NOXRED1: variants seen among roughly 807,000 people sequenced by gnomAD.
The protein encoded by NOXRED1 is NADP-dependent oxidoreductase domain-containing protein 1.
NOXRED1 carries 20 observed loss-of-function variants against 30.4 expected under a neutral mutation model. The ratio of observed to expected loss-of-function variants is 0.66; its 90% CI spans 0.46 to 0.96. The LOEUF (loss-of-function observed/expected upper bound fraction) is 0.96, where lower values mean the gene tolerates loss of function less well. Ranked by LOEUF, NOXRED1 falls within the 40% of genes least tolerant of loss-of-function variation. The pLI is 0.00. For synonymous variants in NOXRED1, 155 were observed against 168.0 expected (o/e 0.92, Z 0.60); for missense variants, 374 against 428.0 (o/e 0.87, Z 1.11).
At chr14:77,399,980 GA>G (rs920523220) in intron 5 of NOXRED1, among the ~76,000 whole-genome samples, 1 of 151,338 alleles carries the variant, frequency 6.6e-6, no homozygotes. Context: ...AAGCCAGAGG[GA>G]AAAAAAACAC....
At chr14:77,415,224 A>T (rs931441682) in intron 1 of NOXRED1, among the ~76,000 whole-genome samples, 1 of 151,132 alleles carries the variant, frequency 6.6e-6, no homozygotes, top group African/African-American at 2.4e-5. Context: ...ACACACCATG[A>T]ACTTCACCAT....
At chr14:77,416,492 C>T (rs1894825772) in intron 1 of NOXRED1, among the ~76,000 whole-genome samples, 1 of 152,296 alleles carries the variant, frequency 6.6e-6, no homozygotes, top group South Asian at 2.1e-4. Context: ...GGATACAGCA[C>T]ATGTTTCAGA....
At position 77,405,924 on chromosome 14, in the gene NOXRED1, C is replaced by T. The variant is rs779319748; in HGVS notation, c.894G>A (p.Leu298=). 13 of 1,610,210 alleles carry T rather than the reference C, an allele frequency of 8.1e-6. No individual in the cohort carries two copies. The highest frequency in any genetic ancestry group is 1.1e-5 in the Non-Finnish European group (13 of 1,177,136). ...DFVSKAYGKN[L]SQERPFPWFD... ...TCCAATGCCCTTACCTTTCCTGAGACAAATTCTTGCCATAGGCTTTGCTGA... is the reference window on the plus strand; with the variant it reads ...TCCAATGCCCTTACCTTTCCTGAGATAAATTCTTGCCATAGGCTTTGCTGA... The change falls in exon 5 of 6, where the codon TTG becomes TTA. Residue 298 remains leucine, a synonymous_variant. Transcript: ENST00000380835.
intron 2 of NOXRED1, among the ~76,000 whole-genome samples, chr14:77,412,444 G>T (rs1349799804): frequency 6.6e-6 from 1 of 152,140 alleles, no homozygotes; most frequent in Non-Finnish European, 1.5e-5. Flanking sequence ...AGATGCAAGA[G>T]ACTGTGCTCA....
intron 5 of NOXRED1, among the ~76,000 whole-genome samples, chr14:77,400,818 C>CATTACCATTT (rs1287460266): frequency 6.6e-6 from 1 of 152,194 alleles, no homozygotes; most frequent in Admixed American, 6.5e-5. Flanking sequence ...ATTAAAAACA[C>CATTACCATTT]ATTACCATTT....
chr14:77,404,593 C>A (rs1291370368), intron 5 of NOXRED1, among the ~76,000 whole-genome samples: 1 of 152,000 alleles, frequency 6.6e-6, no homozygotes, highest in African/African-American at 2.4e-5. Context: ...TGGAAAAGAT[C>A]ACCGGGAACA....
intron 5 of NOXRED1, among the ~76,000 whole-genome samples, chr14:77,402,239 A>G (rs1894347810): frequency 6.6e-6 from 1 of 152,254 alleles, no homozygotes; most frequent in African/African-American, 2.4e-5. Context: ...AGACACTGTC[A>G]AGAGAATGAA....
At chr14:77,412,096 C>T (rs949579370) in intron 2 of NOXRED1, among the ~76,000 whole-genome samples, 2 of 104,724 alleles carry the variant, frequency 1.9e-5, no homozygotes, top group Non-Finnish European at 3.5e-5. Context: ...GAGCAAGACT[C>T]AGTCTAAAAA....
intron 1 of NOXRED1, among the ~76,000 whole-genome samples, chr14:77,420,681 T>G (rs538964214): frequency 6.6e-6 from 1 of 152,270 alleles, no homozygotes; most frequent in Non-Finnish European, 1.5e-5. Context: ...TGCAGTAGTT[T>G]GTTCTTATGG....
intron 2 of NOXRED1, among the ~76,000 whole-genome samples, chr14:77,410,957 C>T (rs1007310831): frequency 6.6e-6 from 1 of 151,944 alleles, no homozygotes; most frequent in African/African-American, 2.4e-5. Context: ...AAAGATATAC[C>T]TACCACATGA....
At chr14:77,425,199 A>G (rs1282944906), upstream of NOXRED1, among the ~76,000 whole-genome samples, 3 of 152,074 alleles carry the variant, frequency 2.0e-5, no homozygotes, top group Admixed American at 6.6e-5. Flanking sequence ...GGCCTTCCCT[A>G]TGGATTTCAA....
intron 5 of NOXRED1, among the ~76,000 whole-genome samples, chr14:77,400,037 A>G (rs948262657): frequency 6.6e-5 from 10 of 152,228 alleles, no homozygotes; most frequent in African/African-American, 2.4e-4. Flanking sequence ...TTTTAGGATC[A>G]TGCAAGCAAG....
At chr14:77,412,280 A>G (rs1566711395) in intron 2 of NOXRED1, among the ~76,000 whole-genome samples, 1 of 152,110 alleles carries the variant, frequency 6.6e-6, no homozygotes, top group Non-Finnish European at 1.5e-5. Context: ...TTTTACATTA[A>G]TCTCTTACTA....
At chr14:77,400,217 T>C (rs1489321458) in intron 5 of NOXRED1, among the ~76,000 whole-genome samples, 1 of 152,128 alleles carries the variant, frequency 6.6e-6, no homozygotes, top group Non-Finnish European at 1.5e-5. Context: ...TCAAAGAAGT[T>C]CCTTAGGAGG....
chr14:77,417,387 G>A (rs369185735), intron 1 of NOXRED1, among the ~76,000 whole-genome samples: 8 of 151,344 alleles, frequency 5.3e-5, no homozygotes, highest in Admixed American at 6.6e-5. Context: ...TTGAAAGTTG[G>A]GTATTAAAAT....
chr14:77,420,249 T>C (rs1012445079), intron 1 of NOXRED1, among the ~76,000 whole-genome samples: 2 of 152,200 alleles, frequency 1.3e-5, no homozygotes, highest in African/African-American at 2.4e-5. Context: ...AAGTCTAATG[T>C]TGAACCACTC....
chr14:77,414,411 C>A (rs1383543282), intron 1 of NOXRED1, among the ~76,000 whole-genome samples: 1 of 152,116 alleles, frequency 6.6e-6, no homozygotes, highest in Admixed American at 6.6e-5. Context: ...CATCTCCTGA[C>A]CTCGTGATCC....
Position 77,423,120 on chromosome 14 carries a change from C to A in NOXRED1, c.-231G>T, listed in dbSNP as rs1895045573. The A allele has an allele frequency of 2.1e-6, 1 of 477,152 alleles. No homozygotes were observed. Among genetic ancestry groups the A allele is most frequent in the Admixed American group, 3.8e-5 (1 of 26,068 alleles). The allele number at this position is 477,152 out of a possible 1,614,324, so 29.6% of individuals were successfully genotyped here. On this transcript the variant is annotated 5_prime_UTR_variant, in exon 1 of 6. Transcript: ENST00000380835. ...GTGTTTGAGGATTCCTAATCACTGG[C>A]TGCCCATGAATCCTGGACTCATGAA...
chr14:77,421,683 G>T (rs976291342), intron 1 of NOXRED1, among the ~76,000 whole-genome samples: 1 of 152,206 alleles, frequency 6.6e-6, no homozygotes, highest in Non-Finnish European at 1.5e-5. Context: ...GGTGCTGGAT[G>T]TGTTTCCTTG....
Sources: allele counts gnomAD v4.1 joint callset (sites outside exome capture counted in the v4.1 genomes callset), GRCh38; gene constraint gnomAD v4.1.1; transcripts MANE v1.5; gene names NCBI Gene and HGNC (gene_info 2026-07-23, HGNC 2026-07-21).